SRRM4: variants seen among roughly 807,000 people sequenced by gnomAD.
SRRM4 encodes serine/arginine repetitive matrix protein 4.
A neutral mutation model predicts 68.9 loss-of-function variants in SRRM4; 33 were observed. The observed-to-expected ratio is 0.48, with a 90% CI of 0.36 to 0.64. The LOEUF is 0.64. Ranked by LOEUF, SRRM4 falls within the 30% of genes least tolerant of loss-of-function variation. The probability of loss-of-function intolerance (pLI) is 0.00; values close to 1 mark genes in which losing one functional copy is unlikely to be tolerated. For synonymous variants in SRRM4, 318 were observed against 318.8 expected (o/e 1.00, Z 0.03); for missense variants, 817 against 827.1 (o/e 0.99, Z 0.15).
At chr12:118,991,179 C>T (rs1030868814) in intron 1 of SRRM4, among the ~76,000 whole-genome samples, 2 of 152,188 alleles carry the variant, frequency 1.3e-5, no homozygotes, top group African/African-American at 2.4e-5. Context: ...TTCCTGCCCA[C>T]CTCCCTGAGA....
intron 1 of SRRM4, among the ~76,000 whole-genome samples, chr12:119,070,789 G>C (rs992576864): frequency 2.0e-5 from 3 of 152,280 alleles, no homozygotes; most frequent in Admixed American, 2.0e-4. Context: ...TATTCCCCTG[G>C]AGTCTGACTG....
intron 1 of SRRM4, among the ~76,000 whole-genome samples, chr12:119,068,901 G>A (rs1206376637): frequency 3.9e-5 from 6 of 152,062 alleles, no homozygotes; most frequent in African/African-American, 1.2e-4. Flanking sequence ...AGGGGAGGGC[G>A]ACGAGTGATG....
At chr12:119,143,971 T>A (rs967012245) in intron 8 of SRRM4, among the ~76,000 whole-genome samples, 1 of 152,072 alleles carries the variant, frequency 6.6e-6, no homozygotes, top group Non-Finnish European at 1.5e-5. Flanking sequence ...GAGGCCAGCA[T>A]CAAACTTAAC....
At chr12:119,040,851 G>A (rs1418142340) in intron 1 of SRRM4, among the ~76,000 whole-genome samples, 1 of 152,036 alleles carries the variant, frequency 6.6e-6, no homozygotes, top group Non-Finnish European at 1.5e-5. Flanking sequence ...CCAGGTTCAA[G>A]CAATTCTCCT....
At chr12:119,149,184 C>G (rs1210125470) in intron 9 of SRRM4, among the ~76,000 whole-genome samples, 1 of 152,138 alleles carries the variant, frequency 6.6e-6, no homozygotes. Flanking sequence ...CCCATTTCTA[C>G]TAAAAATGCA....
intron 1 of SRRM4, chr12:119,069,656 T>G (rs916627227): frequency 2.0e-5 from 3 of 152,200 alleles, no homozygotes; most frequent in Non-Finnish European, 4.4e-5. Context: ...CAATGAGATG[T>G]AAATCCGTGC....
chr12:119,015,294 G>C (rs1321393318), intron 1 of SRRM4, among the ~76,000 whole-genome samples: 1 of 152,180 alleles, frequency 6.6e-6, no homozygotes, highest in Non-Finnish European at 1.5e-5. Flanking sequence ...GAACTAGTCA[G>C]AGCAGCCATC....
At chr12:119,102,116 A>G (rs1954080945) in intron 1 of SRRM4, 120 bp from the exon 2 acceptor site, 2 of 1,003,938 alleles carry the variant, frequency 2.0e-6, no homozygotes, top group Admixed American at 5.5e-5. Flanking sequence ...AGATAATCTC[A>G]TGGGCTCAAC....
chr12:119,141,210 T>C (rs1954363139), intron 8 of SRRM4, among the ~76,000 whole-genome samples: 1 of 152,200 alleles, frequency 6.6e-6, no homozygotes, highest in Non-Finnish European at 1.5e-5. Context: ...CCCAGAGTGT[T>C]GGGATTACAG....
At chr12:119,080,611 C>A (rs548766769) in intron 1 of SRRM4, among the ~76,000 whole-genome samples, 1 of 152,270 alleles carries the variant, frequency 6.6e-6, no homozygotes, top group South Asian at 2.1e-4. Flanking sequence ...CCATGTTGCA[C>A]GTGGGAAAAA....
At position 119,129,808 on chromosome 12, in the gene SRRM4, G is replaced by A. The variant is rs1592909950; in HGVS notation, c.615-870G>A. Among the ~76,000 whole-genome samples, 8 of 152,216 alleles carry A rather than the reference G, an allele frequency of 5.3e-5. No individual in the cohort carries two copies. The South Asian group carries it at 1.2e-3, about 24-fold the overall frequency. The stretch of plus-strand genomic sequence containing the variant: ...GAATGGATGAATAGATTGTTGGTTA[G>A]GTAGATGGATGGATGAATGGCTGAA... On this transcript the variant is annotated intron_variant, in intron 7 of 12. Coordinates refer to ENST00000267260, the MANE Select transcript of SRRM4 (RefSeq NM_194286.4).
intron 8 of SRRM4, among the ~76,000 whole-genome samples, chr12:119,137,599 AG>A (rs1399714536): frequency 2.0e-5 from 1 of 49,442 alleles, no homozygotes; most frequent in Admixed American, 2.6e-4. Flanking sequence ...AGAGAGAGAG[AG>A]AGAGAGAGAG....
intron 2 of SRRM4, among the ~76,000 whole-genome samples, chr12:119,108,413 G>A (rs957134958): frequency 7.9e-5 from 12 of 152,002 alleles, no homozygotes; most frequent in Admixed American, 7.9e-4. Flanking sequence ...TTGACAGTGG[G>A]GTGTTAAAGT....
intron 8 of SRRM4, among the ~76,000 whole-genome samples, chr12:119,131,205 C>T (rs1954295645): frequency 6.6e-6 from 1 of 152,196 alleles, no homozygotes; most frequent in African/African-American, 2.4e-5. Flanking sequence ...TTTGACATAA[C>T]AGAGGCACTC....
intron 4 of SRRM4, among the ~76,000 whole-genome samples, chr12:119,117,989 C>G (rs73213765): frequency 0.036 from 5,541 of 152,294 alleles, 104 homozygotes; most frequent in African/African-American, 0.045. Flanking sequence ...CAAACCAACA[C>G]TTTATAATTG....
chr12:119,083,085 T>C (rs1225957860), intron 1 of SRRM4, among the ~76,000 whole-genome samples: 1 of 152,032 alleles, frequency 6.6e-6, no homozygotes, highest in African/African-American at 2.4e-5. Flanking sequence ...GTTGGGCAGT[T>C]GATCTTTTTT....
At chr12:119,109,388 T>C (rs1399737837) in intron 2 of SRRM4, among the ~76,000 whole-genome samples, 1 of 152,236 alleles carries the variant, frequency 6.6e-6, no homozygotes, top group African/African-American at 2.4e-5. Context: ...GTTGGGGAAG[T>C]TCTGGATAAT....
At chr12:119,121,819 A>G (rs1318809927) in intron 5 of SRRM4, among the ~76,000 whole-genome samples, 2 of 152,186 alleles carry the variant, frequency 1.3e-5, no homozygotes, top group Non-Finnish European at 2.9e-5. Context: ...TATTGCTGCC[A>G]TTATTATTAA....
intron 8 of SRRM4, among the ~76,000 whole-genome samples, chr12:119,133,495 C>T (rs1381078456): frequency 6.6e-6 from 1 of 152,166 alleles, no homozygotes; most frequent in Non-Finnish European, 1.5e-5. Flanking sequence ...AGCTGCAGCT[C>T]ACATGGCTAC....
Sources: gnomAD v4.1 joint callset for allele counts (sites outside exome capture counted in the v4.1 genomes callset) on GRCh38, gnomAD v4.1.1 for gene constraint, MANE v1.5 for transcripts, NCBI Gene and HGNC (gene_info 2026-07-23, HGNC 2026-07-21) for gene names.